Variants in FAM135B observed in about 807,000 individuals in gnomAD.
FAM135B encodes the protein family with sequence similarity 135 member B, also known as protein FAM135B.
In FAM135B, 43 loss-of-function variants were observed where a neutral mutation model predicts 127.7. The observed-to-expected ratio is 0.34, with a 90% CI of 0.26 to 0.43. FAM135B has a LOEUF of 0.43. Ranked by LOEUF, FAM135B falls within the 20% of genes least tolerant of loss-of-function variation. The probability of loss-of-function intolerance (pLI) is 1.00; values close to 1 mark genes in which losing one functional copy is unlikely to be tolerated. For synonymous variants in FAM135B, 670 were observed against 665.1 expected (o/e 1.01, Z -0.11); for missense variants, 1,558 against 1,725.6 (o/e 0.90, Z 1.72).
chr8:138,269,810 A>C, intron 3 of FAM135B, among the ~76,000 whole-genome samples: 1 of 152,176 alleles, frequency 6.6e-6, no homozygotes, highest in East Asian at 1.9e-4. Context: ...GTGAAGAAGT[A>C]TGTTTTTTAC....
intron 5 of FAM135B, among the ~76,000 whole-genome samples, chr8:138,251,764 C>T (rs551970635): frequency 4.5e-4 from 68 of 152,268 alleles, no homozygotes; most frequent in South Asian, 8.3e-4. Context: ...GGGCCACGTT[C>T]GCCCCCAGGA....
intron 7 of FAM135B, among the ~76,000 whole-genome samples, chr8:138,240,243 C>T (rs1481651035): frequency 6.6e-6 from 1 of 152,246 alleles, no homozygotes; most frequent in Admixed American, 6.5e-5. Flanking sequence ...CCAGAGTCTG[C>T]TTTCTACCGC....
In FAM135B at chr8:138,167,626, T is replaced by C. The variant is rs76360986; in HGVS notation, c.1258+269A>G. 1.6e-3 allele frequency among the ~76,000 whole-genome samples: 250 copies of C among 152,334 alleles called. 4 individuals carry two copies. The East Asian group carries it at 0.04, about 24-fold the overall frequency. ...GGGTGGGCAGGCTGTGGTGCCCATT[T>C]TGCAGGTGAAAACGCTGAAGCACTA... is the stretch of plus-strand genomic sequence containing the variant. On this transcript the variant is annotated intron_variant, in intron 12 of 19. Coordinates refer to ENST00000395297, the MANE Select transcript of FAM135B (RefSeq NM_015912.4).
intron 1 of FAM135B, among the ~76,000 whole-genome samples, chr8:138,421,298 G>A (rs1834493462): frequency 6.6e-6 from 1 of 152,078 alleles, no homozygotes; most frequent in South Asian, 2.1e-4. Flanking sequence ...GGGCAACAGA[G>A]CGAGACTCTG....
At chr8:138,316,698 C>T (rs1163498656) in intron 2 of FAM135B, among the ~76,000 whole-genome samples, 1 of 150,486 alleles carries the variant, frequency 6.6e-6, no homozygotes, top group East Asian at 2.0e-4. Context: ...ATTAAACATA[C>T]GGCCGGGCGT....
intron 2 of FAM135B, among the ~76,000 whole-genome samples, chr8:138,328,711 A>C (rs541252494): frequency 6.6e-6 from 1 of 152,342 alleles, no homozygotes; most frequent in African/African-American, 2.4e-5. Flanking sequence ...CTGTGAAATC[A>C]AACAGAGCTA....
intron 1 of FAM135B, among the ~76,000 whole-genome samples, chr8:138,423,574 G>T (rs2131467072): frequency 6.6e-6 from 1 of 152,264 alleles, no homozygotes; most frequent in East Asian, 1.9e-4. Context: ...GGGTCACAGA[G>T]ATCATCAGCT....
intron 1 of FAM135B, among the ~76,000 whole-genome samples, chr8:138,489,311 T>A (rs764637288): frequency 6.6e-6 from 1 of 152,166 alleles, no homozygotes; most frequent in Non-Finnish European, 1.5e-5. Context: ...AAATGGAGCA[T>A]CATCCTGGAG....
At position 138,251,403 on chromosome 8, in the gene FAM135B, C is replaced by T. The variant is rs751163133; in HGVS notation, c.369-389G>A. ...CAGATGTCCAGTGCTCTCCTCATAA[C>T]GCTGCACTGACTGTGTGACCCTGTG... On this transcript the variant is annotated intron_variant, in intron 5 of 19. Transcript: ENST00000395297. Among the ~76,000 whole-genome samples, 39 of 152,290 alleles carry T rather than the reference C, an allele frequency of 2.6e-4. 1 individual carries two copies. Among genetic ancestry groups the T allele is most frequent in the South Asian group, 6.2e-4 (3 of 4,824 alleles).
At chr8:138,409,510 A>G (rs1448803313) in intron 1 of FAM135B, among the ~76,000 whole-genome samples, 1 of 152,180 alleles carries the variant, frequency 6.6e-6, no homozygotes, top group Non-Finnish European at 1.5e-5. Context: ...AAAGGTGCCA[A>G]TAGACTTGCT....
Position 138,132,374 on chromosome 8 carries a change from T to C in FAM135B, c.*219A>G. 1.9e-6 allele frequency: 1 copy of C among 533,232 alleles called. No homozygotes were observed. The highest frequency in any genetic ancestry group is 3.4e-6 in the Non-Finnish European group (1 of 297,934). The allele number at this position is 533,232 out of a possible 1,614,324, so 33.0% of individuals were successfully genotyped here. On this transcript the variant is annotated 3_prime_UTR_variant, in exon 20 of 20. Coordinates refer to ENST00000395297, the MANE Select transcript of FAM135B (RefSeq NM_015912.4). This position sits in a 1 kb window ranked among gnomAD's most constrained non-coding sequence, Gnocchi z 4.5. ...CATCTTGAATGACACTCCAGGTAAC[T>C]ATACAAATTCAAGCAAAGTTTGTTG...
chr8:138,364,587 G>A (rs548366185), intron 2 of FAM135B, among the ~76,000 whole-genome samples: 49 of 152,216 alleles, frequency 3.2e-4, no homozygotes, highest in African/African-American at 1.2e-3. Context: ...CTAGCCTTAA[G>A]AGCTAGAAGC....
chr8:138,202,722 T>C (rs1817242619), intron 7 of FAM135B, among the ~76,000 whole-genome samples: 2 of 152,224 alleles, frequency 1.3e-5, no homozygotes, highest in East Asian at 1.9e-4. Flanking sequence ...ACTTATGTAA[T>C]GCTCCAGTGT....
intron 7 of FAM135B, among the ~76,000 whole-genome samples, chr8:138,201,734 A>G (rs1817135724): frequency 6.6e-6 from 1 of 152,186 alleles, no homozygotes; most frequent in African/African-American, 2.4e-5. Flanking sequence ...TAATAAAACG[A>G]GAATCAAGCA....
At chr8:138,338,614 G>A (rs1249020617) in intron 2 of FAM135B, among the ~76,000 whole-genome samples, 1 of 150,774 alleles carries the variant, frequency 6.6e-6, no homozygotes, top group African/African-American at 2.4e-5. Context: ...GAAACAACAG[G>A]TGCTGGAGAG....
chr8:138,159,661 T>A (rs529923797), intron 12 of FAM135B, among the ~76,000 whole-genome samples: 251 of 151,700 alleles, frequency 1.7e-3, no homozygotes, highest in Non-Finnish European at 2.9e-3. Flanking sequence ...ATGTAAATGA[T>A]GACTTAATGG....
chr8:138,364,016 A>G (rs553333775), intron 2 of FAM135B, among the ~76,000 whole-genome samples: 1 of 152,256 alleles, frequency 6.6e-6, no homozygotes, highest in African/African-American at 2.4e-5. Flanking sequence ...CACCCCAAAA[A>G]GGAACCAACT....
chr8:138,275,788 T>C (rs1823776446), intron 3 of FAM135B, among the ~76,000 whole-genome samples: 1 of 152,142 alleles, frequency 6.6e-6, no homozygotes, highest in Non-Finnish European at 1.5e-5. Context: ...TTACTATGGT[T>C]AATTGGCCCT....
intron 14 of FAM135B, 78 bp downstream of exon 14, chr8:138,148,442 C>A (rs1586600069): frequency 9.3e-7 from 1 of 1,072,266 alleles, no homozygotes; most frequent in East Asian, 4.4e-5. Context: ...GAATGAATAC[C>A]TCATCTAAAT....
Sources: gnomAD v4.1 joint callset for allele counts (sites outside exome capture counted in the v4.1 genomes callset) on GRCh38, gnomAD v4.1.1 for gene constraint, Gnocchi (gnomAD v3.1) non-coding constraint, MANE v1.5 for transcripts, NCBI Gene and HGNC (gene_info 2026-07-23, HGNC 2026-07-21) for gene names.